DPYD: variants seen among roughly 807,000 people sequenced by gnomAD.
The protein encoded by DPYD is dihydropyrimidine dehydrogenase [NADP(+)].
A neutral mutation model predicts 116.2 loss-of-function variants in DPYD; 109 were observed. The observed-to-expected ratio is 0.94, with a 90% confidence interval of 0.80 to 1.10. DPYD has a LOEUF of 1.10. Ranked by LOEUF, DPYD falls within the 50% of genes least tolerant of loss-of-function variation. DPYD has a pLI of 0.00. For missense variants in DPYD, 1,302 were observed against 1,254.5 expected (o/e 1.04, Z -0.57); for synonymous variants, 440 against 432.0 (o/e 1.02, Z -0.23).
intron 13 of DPYD, among the ~76,000 whole-genome samples, chr1:97,483,220 A>G (rs1000685803): frequency 6.6e-6 from 1 of 152,188 alleles, no homozygotes; most frequent in Non-Finnish European, 1.5e-5. Context: ...CATACCTCTT[A>G]GCCTCAAATT....
At chr1:97,161,728 C>A (rs1465316277) in intron 20 of DPYD, among the ~76,000 whole-genome samples, 19 of 114,144 alleles carry the variant, frequency 1.7e-4, no homozygotes, top group East Asian at 6.6e-4. Context: ...CCCCTCCCCC[C>A]ACCCCACAAC....
chr1:97,590,637 T>C (rs900025789), intron 10 of DPYD, among the ~76,000 whole-genome samples: 2 of 152,216 alleles, frequency 1.3e-5, no homozygotes, highest in African/African-American at 4.8e-5. Context: ...CCATTTGAGT[T>C]CTACTAAGCT....
chr1:97,170,513 T>A (rs896287708), intron 20 of DPYD, among the ~76,000 whole-genome samples: 1 of 152,022 alleles, frequency 6.6e-6, no homozygotes, highest in East Asian at 1.9e-4. Flanking sequence ...CACATCTACA[T>A]AGGCAATGCA....
intron 2 of DPYD, among the ~76,000 whole-genome samples, chr1:97,840,634 TA>T (rs975801201): frequency 3.3e-5 from 5 of 152,088 alleles, no homozygotes; most frequent in African/African-American, 7.2e-5. Context: ...TTTTAATTAT[TA>T]AAAAATATGA....
intron 2 of DPYD, among the ~76,000 whole-genome samples, chr1:97,861,134 A>C (rs1196356107): frequency 2.0e-5 from 3 of 152,082 alleles, no homozygotes; most frequent in Non-Finnish European, 4.4e-5. Flanking sequence ...ACCGCAAAAA[A>C]TAGACATAAA....
rs958991820 is a variant in DPYD, at chr1:97,913,127, A to C, written c.39+7757T>G. Among the ~76,000 whole-genome samples, 7 of 152,270 alleles carry C rather than the reference A, an allele frequency of 4.6e-5. No homozygotes were observed. The East Asian group carries it at 1.4e-3, about 29-fold the overall frequency. ...CCAGATCACCCTTACACAGAACTCC[A>C]GCCATATATAGTACGATTGAACTTT... On this transcript the variant is annotated intron_variant, in intron 1 of 22. Transcript: ENST00000370192.
In DPYD at chr1:97,889,302, A is replaced by T. The variant is rs189912644; in HGVS notation, c.40-5928T>A. Among the ~76,000 whole-genome samples, 42 of 152,234 alleles carry T rather than the reference A, an allele frequency of 2.8e-4. 1 individual carries two copies. Among genetic ancestry groups the T allele is most frequent in the Admixed American group, 2.1e-3 (32 of 15,276 alleles). ...ACAGTAAAGTATAGGTAATTATGAAATTATAATAGTATAAATGTATACTGT... is the reference window on the plus strand; with the variant it reads ...ACAGTAAAGTATAGGTAATTATGAATTTATAATAGTATAAATGTATACTGT... On this transcript the variant is annotated intron_variant, in intron 1 of 22. Transcript: ENST00000370192.
At chr1:97,731,973 TATG>T (rs1281585849) in intron 4 of DPYD, among the ~76,000 whole-genome samples, 23 of 152,094 alleles carry the variant, frequency 1.5e-4, no homozygotes, top group African/African-American at 3.9e-4. Flanking sequence ...CCACAAACAA[TATG>T]ATGTTACTCG....
chr1:97,699,881 G>T (rs1372002523), intron 5 of DPYD, among the ~76,000 whole-genome samples: 2 of 151,996 alleles, frequency 1.3e-5, no homozygotes, highest in Non-Finnish European at 2.9e-5. Context: ...TATGTGTTAT[G>T]ATGTCAGTCA....
chr1:97,098,740 T>A, intron 20 of DPYD, 108 bp from the exon 21 acceptor site: 1 of 1,309,324 alleles, frequency 7.6e-7, no homozygotes, highest in Admixed American at 2.0e-5. Flanking sequence ...GTCTAGGGAT[T>A]GTTTCATGTA....
intron 20 of DPYD, among the ~76,000 whole-genome samples, chr1:97,126,234 A>G (rs1477180145): frequency 1.3e-5 from 2 of 152,082 alleles, no homozygotes; most frequent in African/African-American, 2.4e-5. Context: ...TATTTGATAA[A>G]TTTGCTCAAG....
At chr1:97,883,143 A>C in intron 2 of DPYD, 121 bp downstream of exon 2, 1 of 647,604 alleles carries the variant, frequency 1.5e-6, no homozygotes, top group South Asian at 2.1e-5. Flanking sequence ...AAATATTTAA[A>C]ATATTTTTAA....
At chr1:97,844,413 C>A (rs1670189627) in intron 2 of DPYD, among the ~76,000 whole-genome samples, 2 of 152,200 alleles carry the variant, frequency 1.3e-5, no homozygotes, top group South Asian at 4.1e-4. Flanking sequence ...ACTTTTAGCC[C>A]CATCCCCTAT....
chr1:97,237,241 C>CAG (rs1662001655), intron 18 of DPYD, among the ~76,000 whole-genome samples: 1 of 57,700 alleles, frequency 1.7e-5, no homozygotes, highest in African/African-American at 6.8e-5. Flanking sequence ...GATTCTGTCT[C>CAG]AAAAAAAAAA....
chr1:97,078,408 T>TA lies in DPYD; in HGVS notation c.*567dup, dbSNP rs528999329. 3.5e-4 allele frequency: 60 copies of TA among 172,546 alleles called. No individual in the cohort carries two copies. The highest frequency in any genetic ancestry group is 3.2e-3 in the Admixed American group (58 of 18,024). 10.7% of individuals were successfully genotyped at this position (172,546 alleles called of 1,614,324 possible). ...TTTCAGCGAAGGGGATTTTACTTAA[T>TA]AAAGTTCTACAAACTCAATTTTAGG... On this transcript the variant is annotated 3_prime_UTR_variant, in exon 23 of 23. Transcript: ENST00000370192.
chr1:97,713,716 T>C (rs1288507825), intron 5 of DPYD, among the ~76,000 whole-genome samples: 2 of 152,156 alleles, frequency 1.3e-5, no homozygotes, highest in African/African-American at 2.4e-5. Flanking sequence ...AAAATATTTA[T>C]CTTATTAGTG....
chr1:97,218,909 G>A (rs1217367709), intron 19 of DPYD, among the ~76,000 whole-genome samples: 1 of 151,992 alleles, frequency 6.6e-6, no homozygotes, highest in Non-Finnish European at 1.5e-5. Flanking sequence ...TTTAAAGTTT[G>A]GTTTGTTAGT....
At chr1:97,783,848 A>G (rs541402463) in intron 3 of DPYD, among the ~76,000 whole-genome samples, 1 of 152,284 alleles carries the variant, frequency 6.6e-6, no homozygotes, top group South Asian at 2.1e-4. Context: ...CCCAAGTCTA[A>G]CCCAATATCA....
At chr1:97,406,779 G>A (rs547439051) in intron 14 of DPYD, among the ~76,000 whole-genome samples, 1 of 152,112 alleles carries the variant, frequency 6.6e-6, no homozygotes, top group South Asian at 2.1e-4. Context: ...AGCATGTCTG[G>A]TATTGATATT....
Sources: gnomAD v4.1 joint callset for allele counts (sites outside exome capture counted in the v4.1 genomes callset) on GRCh38, gnomAD v4.1.1 for gene constraint, MANE v1.5 for transcripts, NCBI Gene and HGNC (gene_info 2026-07-23, HGNC 2026-07-21) for gene names.